The following GDA variants were observed in gnomAD, a reference collection of about 807,000 sequenced individuals.
GDA encodes guanine deaminase, also known as cytoplasmic PSD-95 interactor.
In GDA, 18 loss-of-function variants were observed where a neutral mutation model predicts 59.6. That is an observed-to-expected ratio of 0.30 (90% CI 0.21 to 0.45). The LOEUF (loss-of-function observed/expected upper bound fraction) is 0.45. GDA is among the 20% of genes least tolerant of loss of function. The probability of loss-of-function intolerance (pLI) is 1.00; values close to 1 mark genes in which losing one functional copy is unlikely to be tolerated. For missense variants in GDA, 427 were observed against 552.3 expected, an observed-to-expected ratio of 0.77 and a Z score of 2.27; for synonymous variants, 201 against 201.1, an observed-to-expected ratio of 1.00 and a Z score of 0.00.
chr9:72,247,562 TA>T, intron 13 of GDA, 129 bp downstream of exon 13: 3 of 628,048 alleles, frequency 4.8e-6, no homozygotes, highest in Non-Finnish European at 8.5e-6. Context: ...TTTGATTCAT[TA>T]TTTTTTTAAC....
intron 1 of GDA, among the ~76,000 whole-genome samples, chr9:72,137,242 C>CCT (rs1826263940): frequency 1.2e-5 from 1 of 84,506 alleles, no homozygotes; most frequent in Non-Finnish European, 2.1e-5. Context: ...TTCTTTTTTT[C>CCT]TTTTTTTTTT....
At chr9:72,253,256 A>G (rs192133019), downstream of GDA, 140 of 152,268 alleles carry the variant, frequency 9.2e-4, no homozygotes, top group African/African-American at 2.6e-3. Context: ...ATAACTGTAG[A>G]ATGTGCTGGA....
chr9:72,225,541 T>C, intron 7 of GDA, 136 bp from the exon 8 acceptor site: 1 of 597,198 alleles, frequency 1.7e-6, no homozygotes, highest in Non-Finnish European at 3.0e-6. Context: ...AAAATGCATG[T>C]GTAATCTTCA....
rs549641612 is a variant in GDA, at chr9:72,187,358, T to G, written c.124-8142T>G. ...TAGTGGTTATCTTGACAGTGAGTTG[T>G]TATAAAATGACTCTGGCCTCGAGTG... On this transcript the variant is annotated intron_variant, in intron 1 of 13. Coordinates refer to ENST00000358399, the MANE Select transcript of GDA (RefSeq NM_004293.5). Among the ~76,000 whole-genome samples the G allele has an allele frequency of 5.9e-5, 9 of 152,280 alleles. No homozygotes were observed. The South Asian group carries it at 1.2e-3, about 21-fold the overall frequency.
chr9:72,166,966 A>C (rs192842423), intron 1 of GDA, among the ~76,000 whole-genome samples: 1 of 152,226 alleles, frequency 6.6e-6, no homozygotes, highest in African/African-American at 2.4e-5. Flanking sequence ...CTCTACCAGA[A>C]ACTAAATTCT....
chr9:72,231,003 C>T lies in GDA; in HGVS notation c.921-111C>T, dbSNP rs138155126. 26 of 745,066 alleles carry T rather than the reference C, an allele frequency of 3.5e-5. No homozygotes were observed. The East Asian group carries it at 3.5e-4, about 10-fold the overall frequency. 46.2% of individuals were successfully genotyped at this position (745,066 alleles called of 1,614,324 possible). A position where few individuals can be genotyped will look rare whatever the true frequency, so the allele number is the denominator to read the frequency against. ...AATATGTTTGTGTCAACATTAGAGC[C>T]GATATATTGGGAAGCACAATTTTCA... On this transcript the variant is annotated intron_variant, in intron 9 of 13. Transcript: ENST00000358399.
intron 11 of GDA, among the ~76,000 whole-genome samples, chr9:72,243,774 A>G (rs186318828): frequency 1.5e-3 from 226 of 152,342 alleles, no homozygotes; most frequent in African/African-American, 5.3e-3. Flanking sequence ...CTGGATACCT[A>G]TAGGTAGAAA....
In GDA at chr9:72,174,444, C is replaced by T. The variant is rs1830325544; in HGVS notation, c.124-21056C>T. On this transcript the variant is annotated intron_variant, in intron 1 of 13. Transcript: ENST00000358399. ...ACAGCTTGTTCATAACTGCTACTTC[C>T]TACTTTATGGATGAGATAACAGGTG... Among the ~76,000 whole-genome samples, 4 of 152,144 alleles carry T rather than the reference C, an allele frequency of 2.6e-5. No homozygotes were observed. In the South Asian group the frequency reaches 6.2e-4, roughly 24 times the overall value.
intron 10 of GDA, among the ~76,000 whole-genome samples, chr9:72,237,100 A>T (rs1288695100): frequency 6.6e-6 from 1 of 151,902 alleles, no homozygotes; most frequent in East Asian, 1.9e-4. Context: ...TCTTAATCAG[A>T]CATCCCCCTC....
rs113332500 is a variant in GDA, at chr9:72,158,872, C to CCATCAT, written c.123+9219_123+9224dup. ...ACAACCTTGAGACAAGGTAAGGACACCATCATCATCATCATCATCATCATC... is the reference window on the plus strand; with the variant it reads ...ACAACCTTGAGACAAGGTAAGGACACCATCATCATCATCATCATCATCATCATCATC... On this transcript the variant is annotated intron_variant, in intron 1 of 13. Transcript: ENST00000358399. Among the ~76,000 whole-genome samples the CCATCAT allele has an allele frequency of 7.5e-3, 1,132 of 150,740 alleles. 7 individuals carry two copies. The highest frequency in any genetic ancestry group is 0.012 in the Non-Finnish European group (839 of 67,774).
intron 4 of GDA, among the ~76,000 whole-genome samples, chr9:72,212,409 G>C (rs1317233576): frequency 6.6e-6 from 1 of 151,886 alleles, no homozygotes; most frequent in Non-Finnish European, 1.5e-5. Flanking sequence ...GTGAACCCAG[G>C]AGGCAGAGCT....
intron 1 of GDA, among the ~76,000 whole-genome samples, chr9:72,134,496 G>T (rs562585323): frequency 1.3e-5 from 2 of 151,964 alleles, no homozygotes; most frequent in South Asian, 4.2e-4. Context: ...CTGCCTCCTG[G>T]GTTCAAGAGA....
chr9:72,232,422 T>G (rs1838462196), intron 10 of GDA, among the ~76,000 whole-genome samples: 1 of 152,196 alleles, frequency 6.6e-6, no homozygotes, highest in Non-Finnish European at 1.5e-5. Flanking sequence ...GGAATCAAAG[T>G]AATCAAGATT....
intron 1 of GDA, among the ~76,000 whole-genome samples, chr9:72,142,519 G>A (rs1395507834): frequency 1.3e-5 from 2 of 151,136 alleles, no homozygotes; most frequent in East Asian, 4.0e-4. Flanking sequence ...CTTGCAGTGA[G>A]CCGAGATCGT....
intron 12 of GDA, among the ~76,000 whole-genome samples, chr9:72,245,917 T>C (rs1840091453): frequency 6.6e-6 from 1 of 152,104 alleles, no homozygotes; most frequent in Non-Finnish European, 1.5e-5. Context: ...ATTGAGTTCT[T>C]CCTAAAAAAA....
At chr9:72,218,754 T>G (rs140353278) in intron 5 of GDA, among the ~76,000 whole-genome samples, 77 of 152,344 alleles carry the variant, frequency 5.1e-4, no homozygotes, top group African/African-American at 1.8e-3. Context: ...GCTTCCACTT[T>G]AGGAGAATTC....
rs764314021 is a variant in GDA, at chr9:72,250,833, CTT to C, written c.*2493_*2494del. The C allele has an allele frequency of 6.2e-7, 1 of 1,609,136 alleles. No homozygotes were observed. The highest frequency in any genetic ancestry group is 8.5e-7 in the Non-Finnish European group (1 of 1,177,054). On this transcript the variant is annotated 3_prime_UTR_variant, in exon 14 of 14. Transcript: ENST00000358399. ...TCCATGGTATTTTCAACGGAATACACTTTGAAAGGTAAAAACAATTCAAAAGT... is the reference window on the plus strand; with the variant it reads ...TCCATGGTATTTTCAACGGAATACACTGAAAGGTAAAAACAATTCAAAAGT...
At position 72,137,220 on chromosome 9, in the gene GDA, A is replaced by AAT. The variant is rs146936499; in HGVS notation, c.-100+22387_-100+22388insAT. Among the ~76,000 whole-genome samples the AAT allele has an allele frequency of 3.7e-3, 499 of 136,304 alleles. 3 individuals carry two copies. Among genetic ancestry groups the AAT allele is most frequent in the African/African-American group, 0.012 (432 of 37,204 alleles). The allele number at this position is 136,304 out of a possible 152,430, so 89.4% of individuals were successfully genotyped here. On this transcript the variant is annotated intron_variant, in intron 1 of 13. Coordinates refer to the GDA transcript ENST00000545168. Reference sequence around the variant, plus strand: ...AATAAATAAATTAAAAAAAAAAAAAATTAGGATCCTTTTCTTTTTTTCTTT... The same window carrying AAT: ...AATAAATAAATTAAAAAAAAAAAAAAATTTAGGATCCTTTTCTTTTTTTCTTT...
chr9:72,219,188 A>G (rs1836525547), intron 5 of GDA, among the ~76,000 whole-genome samples: 2 of 152,158 alleles, frequency 1.3e-5, no homozygotes, highest in African/African-American at 4.8e-5. Context: ...GCGGATCACC[A>G]GGTCAGGAGA....
Sources: allele counts gnomAD v4.1 joint callset (sites outside exome capture counted in the v4.1 genomes callset), GRCh38; gene constraint gnomAD v4.1.1; transcripts MANE v1.5; gene names NCBI Gene and HGNC (gene_info 2026-07-23, HGNC 2026-07-21).